The following QKI variants were observed in gnomAD, a reference collection of about 807,000 sequenced individuals.
QKI encodes QKI, KH domain containing RNA binding, also known as KH domain-containing RNA-binding protein QKI.
Under a neutral mutation model 39.0 loss-of-function variants are expected in QKI, and 10 were observed. The ratio of observed to expected loss-of-function variants is 0.26; its 90% CI spans 0.16 to 0.43. QKI has a LOEUF of 0.43. QKI is among the 20% of genes least tolerant of loss of function. The pLI, the probability that QKI is intolerant of heterozygous loss-of-function variation, is 1.00. For missense variants in QKI, 218 were observed against 428.0 expected, an observed-to-expected ratio of 0.51 and a Z score of 4.33; for synonymous variants, 204 against 155.4, an observed-to-expected ratio of 1.31 and a Z score of -2.33.
intron 3 of QKI, among the ~76,000 whole-genome samples, chr6:163,497,159 G>A (rs1778460671): frequency 1.3e-5 from 2 of 152,188 alleles, no homozygotes; most frequent in East Asian, 1.9e-4. Context: ...TTTTATTGTG[G>A]TTTTGTGGAT....
At chr6:163,498,998 A>G (rs1200504841) in intron 3 of QKI, among the ~76,000 whole-genome samples, 2 of 152,172 alleles carry the variant, frequency 1.3e-5, no homozygotes, top group African/African-American at 4.8e-5. Flanking sequence ...AGGTAGTTTC[A>G]TACAGTATTT....
intron 3 of QKI, among the ~76,000 whole-genome samples, chr6:163,480,188 A>T (rs892615344): frequency 6.6e-6 from 1 of 152,192 alleles, no homozygotes. Flanking sequence ...ATTTAAAAAA[A>T]TAGATTTTGA....
intron 2 of QKI, among the ~76,000 whole-genome samples, chr6:163,470,282 G>A (rs566117610): frequency 1.3e-5 from 2 of 152,152 alleles, no homozygotes; most frequent in South Asian, 2.1e-4. Context: ...TCGCTTGGGG[G>A]TAGGGACACT....
At chr6:163,421,531 G>T (rs1243777631) in intron 1 of QKI, among the ~76,000 whole-genome samples, 1 of 151,638 alleles carries the variant, frequency 6.6e-6, no homozygotes, top group Non-Finnish European at 1.5e-5. Flanking sequence ...GTCCCTAAGT[G>T]CTGCTTTGGT....
intron 3 of QKI, among the ~76,000 whole-genome samples, chr6:163,491,889 C>G (rs117951222): frequency 6.6e-6 from 1 of 152,118 alleles, no homozygotes; most frequent in Non-Finnish European, 1.5e-5. Context: ...AGATATAACT[C>G]CAGGATGAGT....
At chr6:163,535,410 TCCCCATCTCTTC>T (rs748471698) in intron 4 of QKI, among the ~76,000 whole-genome samples, 23 of 152,198 alleles carry the variant, frequency 1.5e-4, no homozygotes, top group South Asian at 8.3e-4. Flanking sequence ...GGTTTCTCTT[TCCCCATCTCTTC>T]CCCCATCTCT....
intron 4 of QKI, among the ~76,000 whole-genome samples, chr6:163,541,775 A>G (rs1034587882): frequency 1.3e-5 from 2 of 151,684 alleles, no homozygotes; most frequent in African/African-American, 4.8e-5. Flanking sequence ...TTTAATTTTG[A>G]GGTCTTTATT....
At chr6:163,515,659 GGT>G (rs1779746668) in intron 3 of QKI, among the ~76,000 whole-genome samples, 1 of 152,066 alleles carries the variant, frequency 6.6e-6, no homozygotes, top group South Asian at 2.1e-4. Context: ...AAAATATATT[GGT>G]GTGTTACAAC....
intron 3 of QKI, among the ~76,000 whole-genome samples, chr6:163,497,443 A>G (rs1007581544): frequency 3.3e-5 from 5 of 152,070 alleles, no homozygotes; most frequent in Non-Finnish European, 2.9e-5. Flanking sequence ...AAAAATTCAC[A>G]TTTGAAATTC....
chr6:163,471,906 A>G (rs1305608775), intron 2 of QKI, among the ~76,000 whole-genome samples: 2 of 152,180 alleles, frequency 1.3e-5, no homozygotes, highest in African/African-American at 4.8e-5. Flanking sequence ...AGATTGGATC[A>G]AGAAAAGACA....
chr6:163,571,591 T>G lies in QKI; in HGVS notation c.*881T>G, dbSNP rs1193174601. ...TATTTGCTGTATACATGTAATGAAATTGTAGATAAAGTGTAGTGCATTGAA... is the reference window on the plus strand; with the variant it reads ...TATTTGCTGTATACATGTAATGAAAGTGTAGATAAAGTGTAGTGCATTGAA... On this transcript the variant is annotated 3_prime_UTR_variant, in exon 8 of 8. Coordinates refer to ENST00000361752, the MANE Select transcript of QKI (RefSeq NM_006775.3). 1 of 152,042 alleles carries G rather than the reference T, an allele frequency of 6.6e-6. No individual in the cohort carries two copies. The highest frequency in any genetic ancestry group is 2.4e-5 in the African/African-American group (1 of 41,404). 9.4% of individuals were successfully genotyped at this position (152,042 alleles called of 1,614,324 possible).
At chr6:163,430,273 A>G (rs969141644) in intron 1 of QKI, among the ~76,000 whole-genome samples, 3 of 152,124 alleles carry the variant, frequency 2.0e-5, no homozygotes, top group East Asian at 1.9e-4. Flanking sequence ...AGAGTGATAT[A>G]TTAATGTGGT....
chr6:163,491,859 TCATC>T (rs1174500958), intron 3 of QKI, among the ~76,000 whole-genome samples: 1 of 152,236 alleles, frequency 6.6e-6, no homozygotes, highest in African/African-American at 2.4e-5. Context: ...CTGTAAAACT[TCATC>T]TCATTACTCA....
intron 3 of QKI, among the ~76,000 whole-genome samples, chr6:163,526,755 T>G (rs59771042): frequency 0.014 from 2,202 of 152,306 alleles, 50 homozygotes; most frequent in African/African-American, 0.05. Context: ...TGTTCAGAAT[T>G]GTTTCTGCAT....
At chr6:163,468,950 A>G (rs1199433814) in intron 2 of QKI, among the ~76,000 whole-genome samples, 1 of 152,088 alleles carries the variant, frequency 6.6e-6, no homozygotes, top group Admixed American at 6.6e-5. Flanking sequence ...CATTTTGAGA[A>G]GGATGACCTC....
chr6:163,497,374 A>G (rs111663680), intron 3 of QKI, among the ~76,000 whole-genome samples: 1 of 152,128 alleles, frequency 6.6e-6, no homozygotes, highest in Admixed American at 6.5e-5. Flanking sequence ...ATTGACTTAA[A>G]ATTTTTAAAA....
chr6:163,424,776 C>T (rs1261626488), intron 1 of QKI, among the ~76,000 whole-genome samples: 2 of 151,654 alleles, frequency 1.3e-5, no homozygotes, highest in Non-Finnish European at 2.9e-5. Flanking sequence ...GGATTACAGG[C>T]GTGCACCTCC....
chr6:163,424,746 C>G (rs1788278370), intron 1 of QKI, among the ~76,000 whole-genome samples: 1 of 151,912 alleles, frequency 6.6e-6, no homozygotes, highest in African/African-American at 2.4e-5. Context: ...ATTCTCCTGC[C>G]TCAGCCTCCC....
In QKI at chr6:163,541,810, T is replaced by C. The variant is rs142172846; in HGVS notation, c.546+6685T>C. Among the ~76,000 whole-genome samples the C allele has an allele frequency of 1.2e-3, 186 of 152,128 alleles. 2 individuals are homozygous for C. Among genetic ancestry groups the C allele is most frequent in the Non-Finnish European group, 2.1e-3 (143 of 67,902 alleles). On this transcript the variant is annotated intron_variant, in intron 4 of 7. Transcript: ENST00000361752. ...TTTTTTCTCCCCAAATACCAGTTAT[T>C]TCATGCAGCATCTTTTCTATAAAGA...
Sources: gnomAD v4.1 joint callset for allele counts (sites outside exome capture counted in the v4.1 genomes callset) on GRCh38, gnomAD v4.1.1 for gene constraint, MANE v1.5 for transcripts, NCBI Gene and HGNC (gene_info 2026-07-23, HGNC 2026-07-21) for gene names.